The following RD3 variants were observed in gnomAD, a reference collection of about 807,000 sequenced individuals.
RD3 encodes protein RD3.
A neutral mutation model predicts 16.9 loss-of-function variants in RD3; 11 were observed. That is an observed-to-expected ratio of 0.65 (90% CI 0.41 to 1.08). RD3 has a LOEUF of 1.08. Ranked by LOEUF, RD3 falls within the 50% of genes least tolerant of loss-of-function variation. The pLI, the probability that RD3 is intolerant of heterozygous loss-of-function variation, is 0.00. For missense variants in RD3, 274 were observed against 267.4 expected, an observed-to-expected ratio of 1.02 and a Z score of -0.17; for synonymous variants, 116 against 114.8, an observed-to-expected ratio of 1.01 and a Z score of -0.07.
intron 1 of RD3, among the ~76,000 whole-genome samples, chr1:211,491,335 C>T (rs1705485733): frequency 6.6e-6 from 1 of 152,346 alleles, no homozygotes; most frequent in South Asian, 2.1e-4. Flanking sequence ...TTAGTAGATG[C>T]TCGAATCACA....
chr1:211,491,725 C>T (rs538031677), intron 1 of RD3, 43 bp downstream of exon 1: 19 of 152,384 alleles, frequency 1.2e-4, no homozygotes, highest in African/African-American at 4.3e-4. Flanking sequence ...TGCCAGGGTG[C>T]GGGTGGGGAA....
intron 1 of RD3, among the ~76,000 whole-genome samples, chr1:211,485,188 A>G (rs748628246): frequency 1.4e-4 from 21 of 151,984 alleles, no homozygotes; most frequent in Non-Finnish European, 7.4e-5. Flanking sequence ...CACCTCCCCC[A>G]TCTCCAGATG....
At chr1:211,481,592 AATC>A (rs1315240603) in intron 1 of RD3, among the ~76,000 whole-genome samples, 166 bp from the exon 2 acceptor site, 1 of 152,250 alleles carries the variant, frequency 6.6e-6, no homozygotes, top group Non-Finnish European at 1.5e-5. Flanking sequence ...TTCCCTGAGC[AATC>A]ATTTCTAATT....
chr1:211,479,217 T>G lies in RD3; in HGVS notation c.407A>C (p.His136Pro). 2 of 1,610,944 alleles carry G rather than the reference T, an allele frequency of 1.2e-6. No homozygotes were observed. The highest frequency in any genetic ancestry group is 1.7e-6 in the Non-Finnish European group (2 of 1,178,930). ...CAGGCTCCACTGGCGCGTCAGCTTG[T>G]GGGCCTCCTCTTCCTGCTTCATCCT... is the stretch of plus-strand genomic sequence containing the variant. ...LERMKQEEEA[H>P]KLTRQWSLRP... Residue 136 changes from histidine (H) to proline (P), a missense_variant, in exon 3 of 3, where the codon CAC becomes CCC. Physicochemically the swap from His to Pro is moderately conservative, Grantham distance 77. Transcript: ENST00000680073.
intron 2 of RD3, among the ~76,000 whole-genome samples, chr1:211,480,133 A>G (rs987057765): frequency 1.8e-4 from 28 of 151,768 alleles, no homozygotes; most frequent in South Asian, 4.2e-4. Flanking sequence ...GCTCCACCCC[A>G]TGACCCACCC....
rs73069874 is a variant in RD3 at position 211,490,149 on chromosome 1, C to G, written c.-12+1619G>C. On this transcript the variant is annotated intron_variant, in intron 1 of 2. Coordinates refer to ENST00000680073, the MANE Select transcript of RD3 (RefSeq NM_001164688.2). ...AGGGCAAGAGGAGTCTCTGGTTCCACTTGGCACTCAGAGGGGGACCAGGGA... is the reference window on the plus strand; with the variant it reads ...AGGGCAAGAGGAGTCTCTGGTTCCAGTTGGCACTCAGAGGGGGACCAGGGA... Among the ~76,000 whole-genome samples the G allele has an allele frequency of 2.1e-3, 323 of 152,340 alleles. 1 individual carries two copies. The highest frequency in any genetic ancestry group is 7.5e-3 in the African/African-American group (312 of 41,580).
chr1:211,488,256 C>T (rs966160184), intron 1 of RD3, among the ~76,000 whole-genome samples: 4 of 152,100 alleles, frequency 2.6e-5, no homozygotes, highest in Non-Finnish European at 5.9e-5. Flanking sequence ...ACCTGGAGGC[C>T]GGGAGCGGTG....
Position 211,479,110 on chromosome 1 carries a change from C to T in RD3, c.514G>A (p.Asp172Asn), listed in dbSNP as rs1193309752. 21 of 1,611,944 alleles carry T rather than the reference C, an allele frequency of 1.3e-5. No homozygotes were observed. The highest frequency in any genetic ancestry group is 1.7e-5 in the Non-Finnish European group (20 of 1,179,564). The stretch of plus-strand genomic sequence containing the variant: ...GGCGGCGGTGTGTCCCGCTCCACGT[C>T]CTCGGAGATGGTCCTGATGTCGCTG... ...FASDIRTISE[D>N]VERDTPPPLR... The change falls in exon 3 of 3, where the codon GAC becomes AAC. Residue 172 changes from aspartate to asparagine, a missense_variant. Asp to Asn is a conservative substitution (Grantham distance 23). Coordinates refer to ENST00000680073, the MANE Select transcript of RD3 (RefSeq NM_001164688.2).
chr1:211,487,415 A>G (rs1356028541), intron 1 of RD3, among the ~76,000 whole-genome samples: 1 of 152,134 alleles, frequency 6.6e-6, no homozygotes, highest in Non-Finnish European at 1.5e-5. Flanking sequence ...CCTTTTCTCT[A>G]ATTAATCAGC....
chr1:211,478,614 C>G lies in RD3; in HGVS notation c.*422G>C, dbSNP rs1462697038. 1.3e-5 allele frequency: 3 copies of G among 222,822 alleles called. No individual in the cohort carries two copies. The highest frequency in any genetic ancestry group is 2.6e-5 in the Non-Finnish European group (3 of 114,590). The allele number at this position is 222,822 out of a possible 1,614,324, so 13.8% of individuals were successfully genotyped here. A position where few individuals can be genotyped will look rare whatever the true frequency, so the allele number is the denominator to read the frequency against. On this transcript the variant is annotated 3_prime_UTR_variant, in exon 3 of 3. Coordinates refer to ENST00000680073, the MANE Select transcript of RD3 (RefSeq NM_001164688.2). ...AGAAGGCATACCAGCCAACAGGTCC[C>G]TTCTCATTGGGGATGGGGGTAGGGG...
intron 1 of RD3, among the ~76,000 whole-genome samples, chr1:211,487,855 GT>G (rs1705407464): frequency 6.6e-6 from 1 of 152,194 alleles, no homozygotes; most frequent in African/African-American, 2.4e-5. Flanking sequence ...TGACCTGCCT[GT>G]CGCTGTGCTA....
chr1:211,479,352 G>A, intron 2 of RD3, 25 bp from the exon 3 acceptor site: 1 of 1,589,352 alleles, frequency 6.3e-7, no homozygotes, highest in Non-Finnish European at 8.6e-7. Flanking sequence ...AGGGCGCTGG[G>A]GACATTCACC....
intron 1 of RD3, among the ~76,000 whole-genome samples, chr1:211,484,649 C>T (rs1705336792): frequency 6.6e-6 from 1 of 152,220 alleles, no homozygotes; most frequent in East Asian, 1.9e-4. Flanking sequence ...ACTATACCTT[C>T]CTAACAACAT....
chr1:211,479,450 C>T (rs1705218822), intron 2 of RD3, 123 bp from the exon 3 acceptor site: 3 of 875,748 alleles, frequency 3.4e-6, no homozygotes, highest in Non-Finnish European at 5.1e-6. Context: ...CTACTCTGCT[C>T]CTGAAGCGAA....
chr1:211,482,648 A>G (rs1705299086), intron 1 of RD3, among the ~76,000 whole-genome samples: 1 of 151,914 alleles, frequency 6.6e-6, no homozygotes, highest in South Asian at 2.1e-4. Context: ...GGCCTGCTAA[A>G]TACAAATTTA....
Position 211,478,991 on chromosome 1 carries a change from T to TC in RD3, c.*44dup. On this transcript the variant is annotated 3_prime_UTR_variant, in exon 3 of 3. Transcript: ENST00000680073. ...GGCGCTCCGGTCACCGGCCTATCAT[T>TC]CCCCCTGCAGAAGGCTCCGCTTCTG... 5 of 1,528,908 alleles carry TC rather than the reference T, an allele frequency of 3.3e-6. No homozygotes were observed. Among genetic ancestry groups the TC allele is most frequent in the South Asian group, 1.2e-5 (1 of 82,048 alleles). The allele number at this position is 1,528,908 out of a possible 1,614,324, so 94.7% of individuals were successfully genotyped here. A position where few individuals can be genotyped will look rare whatever the true frequency, so the allele number is the denominator to read the frequency against.
intron 1 of RD3, among the ~76,000 whole-genome samples, chr1:211,486,830 C>T (rs1032109956): frequency 6.6e-5 from 10 of 151,998 alleles, no homozygotes; most frequent in African/African-American, 1.4e-4. Context: ...GTGACAAGAG[C>T]GAAACTCTGT....
intron 1 of RD3, among the ~76,000 whole-genome samples, chr1:211,490,825 C>A (rs538560856): frequency 4.6e-5 from 7 of 152,184 alleles, no homozygotes; most frequent in Non-Finnish European, 1.0e-4. Flanking sequence ...CACTTCCCCC[C>A]ACCCATGGAG....
intron 1 of RD3, among the ~76,000 whole-genome samples, chr1:211,482,359 T>A (rs556107342): frequency 6.6e-6 from 1 of 151,958 alleles, no homozygotes; most frequent in Admixed American, 6.5e-5. Context: ...AGGATCCTGC[T>A]CTCCAGGAGA....
Sources: gnomAD v4.1 joint callset for allele counts (sites outside exome capture counted in the v4.1 genomes callset) on GRCh38, gnomAD v4.1.1 for gene constraint, MANE v1.5 for transcripts, NCBI Gene and HGNC (gene_info 2026-07-23, HGNC 2026-07-21) for gene names.